PKN2: variants seen among roughly 807,000 people sequenced by gnomAD.
The protein encoded by PKN2 is protein kinase N2, also known as serine/threonine-protein kinase N2.
Under a neutral mutation model 119.1 loss-of-function variants are expected in PKN2, and 38 were observed. The observed-to-expected ratio is 0.32, with a 90% CI of 0.25 to 0.42. PKN2 has a LOEUF of 0.42. Ranked by LOEUF, PKN2 falls within the 10% of genes least tolerant of loss-of-function variation. The pLI is 1.00. For synonymous variants in PKN2, 390 were observed against 384.9 expected, an observed-to-expected ratio of 1.01 and a Z score of -0.15; for missense variants, 850 against 1,165.1, an observed-to-expected ratio of 0.73 and a Z score of 3.94.
chr1:88,832,662 G>C, intron 19 of PKN2, 82 bp from the exon 20 acceptor site: 1 of 699,376 alleles, frequency 1.4e-6, no homozygotes, highest in Non-Finnish European at 2.5e-6. Context: ...TCACTGCCTG[G>C]ATCTTGGTTG....
At chr1:88,784,288 T>C (rs1207508429) in intron 6 of PKN2, among the ~76,000 whole-genome samples, 1 of 152,028 alleles carries the variant, frequency 6.6e-6, no homozygotes, top group African/African-American at 2.4e-5. Flanking sequence ...CTCGCCCAGC[T>C]AATTTTTTGT....
At chr1:88,699,574 G>A (rs1570492390) in intron 1 of PKN2, among the ~76,000 whole-genome samples, 3 of 152,070 alleles carry the variant, frequency 2.0e-5, no homozygotes. Context: ...TCTCCCTGCT[G>A]TCATCCCCCA....
chr1:88,756,983 C>G (rs554557000), intron 2 of PKN2, among the ~76,000 whole-genome samples: 1 of 152,176 alleles, frequency 6.6e-6, no homozygotes, highest in South Asian at 2.1e-4. Context: ...TACTGAATCT[C>G]AGTACCAAAA....
intron 6 of PKN2, among the ~76,000 whole-genome samples, chr1:88,780,263 G>T (rs533916296): frequency 6.6e-6 from 1 of 151,796 alleles, no homozygotes; most frequent in Non-Finnish European, 1.5e-5. Context: ...CTATTAATTT[G>T]TTAGGAAAGC....
At chr1:88,733,451 T>C (rs1313038702) in intron 1 of PKN2, among the ~76,000 whole-genome samples, 1 of 152,256 alleles carries the variant, frequency 6.6e-6, no homozygotes, top group Non-Finnish European at 1.5e-5. Flanking sequence ...TTGAACATTT[T>C]TTCATACACC....
intron 9 of PKN2, 96 bp from the exon 10 acceptor site, chr1:88,804,750 G>T: frequency 1.3e-6 from 1 of 779,802 alleles, no homozygotes; most frequent in Non-Finnish European, 2.1e-6. Flanking sequence ...GGACTAAACT[G>T]TAACTAAGAT....
At chr1:88,784,940 T>TA (rs545564069) in intron 7 of PKN2, 116 bp downstream of exon 7, 3 of 498,608 alleles carry the variant, frequency 6.0e-6, no homozygotes, top group Non-Finnish European at 9.9e-6. Context: ...ATAATTTAAT[T>TA]AAAAAATATT....
chr1:88,772,238 A>G (rs1291758954), intron 6 of PKN2, among the ~76,000 whole-genome samples: 1 of 152,208 alleles, frequency 6.6e-6, no homozygotes, highest in Non-Finnish European at 1.5e-5. Flanking sequence ...TAGAAATTAT[A>G]TAATTTGTGA....
At chr1:88,760,618 G>A (rs1027968183) in intron 3 of PKN2, among the ~76,000 whole-genome samples, 12 of 152,044 alleles carry the variant, frequency 7.9e-5, no homozygotes, top group African/African-American at 2.4e-4. Context: ...ACACTAAAAA[G>A]TATCCTTTTT....
At chr1:88,810,197 T>G (rs1671725785) in intron 15 of PKN2, among the ~76,000 whole-genome samples, 1 of 152,076 alleles carries the variant, frequency 6.6e-6, no homozygotes, top group South Asian at 2.1e-4. Flanking sequence ...TTTGGCTCAC[T>G]GCAACCTCTC....
rs1672796203 is a variant in PKN2 at position 88,833,090 on chromosome 1, A to G, written c.2684A>G (p.Asn895Ser). The change falls in exon 21 of 22, where the codon AAT (asparagine) becomes AGT (serine). Residue 895 changes from asparagine to serine, a missense_variant. Physicochemically the swap from Asn to Ser is conservative, Grantham distance 46 (BLOSUM62 1). Coordinates refer to ENST00000370521, the MANE Select transcript of PKN2 (RefSeq NM_006256.4). ...ACATTATGCTAGCTGTTAAGAAGAA[A>G]TCCTGAACGGCGCCTTGGGGCTAGC... ...ISIMRRLLRR[N>S]PERRLGASEK... 4 of 1,612,086 alleles carry G rather than the reference A, an allele frequency of 2.5e-6. No homozygotes were observed. In the South Asian group the frequency reaches 4.4e-5, roughly 18 times the overall value.
rs1329069702 is a variant in PKN2 at position 88,684,494 on chromosome 1, C to T, written c.-87C>T. On this transcript the variant is annotated 5_prime_UTR_variant, in exon 1 of 22. Transcript: ENST00000370521. ...TTTTTTTTTTTTCTTTCTCTCCCCT[C>T]TCCTCACCCCCACCCCGAGCCCCGT... 1.5e-5 allele frequency: 15 copies of T among 1,012,028 alleles called. No individual in the cohort carries two copies. Among genetic ancestry groups the T allele is most frequent in the Non-Finnish European group, 2.1e-5 (15 of 699,668 alleles). The allele number at this position is 1,012,028 out of a possible 1,614,324, so 62.7% of individuals were successfully genotyped here.
chr1:88,736,563 C>T (rs139788563), intron 1 of PKN2, among the ~76,000 whole-genome samples: 90 of 152,230 alleles, frequency 5.9e-4, no homozygotes, highest in African/African-American at 2.0e-3. Context: ...CAGGGTTTTA[C>T]CATGTTAGAC....
At chr1:88,801,165 AC>A (rs1671292725) in intron 8 of PKN2, among the ~76,000 whole-genome samples, 1 of 152,160 alleles carries the variant, frequency 6.6e-6, no homozygotes, top group Non-Finnish European at 1.5e-5. Flanking sequence ...CGGGTGGATC[AC>A]CTGAGGTCAG....
intron 7 of PKN2, among the ~76,000 whole-genome samples, chr1:88,785,866 A>T (rs1014501600): frequency 6.6e-6 from 1 of 152,226 alleles, no homozygotes; most frequent in East Asian, 1.9e-4. Flanking sequence ...TCACATGCCA[A>T]TGTAAACAAA....
At chr1:88,828,752 T>C in intron 19 of PKN2, 129 bp downstream of exon 19, 1 of 713,246 alleles carries the variant, frequency 1.4e-6, no homozygotes, top group Non-Finnish European at 2.3e-6. Flanking sequence ...ATTTATAGTA[T>C]ACTAGTAGTC....
intron 1 of PKN2, among the ~76,000 whole-genome samples, chr1:88,707,683 G>A (rs1003058508): frequency 3.3e-5 from 5 of 151,854 alleles, no homozygotes; most frequent in Non-Finnish European, 2.9e-5. Flanking sequence ...AGTCATTTTG[G>A]TAAGAAAAGA....
rs184829728 is a variant in PKN2 at position 88,722,748 on chromosome 1, G to A, written c.49-18240G>A. ...CAGTGAGACATGATTGTGCCACTGC[G>A]CTCTAGCTTGGGTGACAGTGCAAGA... On this transcript the variant is annotated intron_variant, in intron 1 of 21. Transcript: ENST00000370521. Among the ~76,000 whole-genome samples the A allele has an allele frequency of 4.0e-5, 6 of 151,188 alleles. No homozygotes were observed. In the East Asian group the frequency reaches 5.8e-4, roughly 15 times the overall value.
intron 8 of PKN2, among the ~76,000 whole-genome samples, chr1:88,797,917 C>T (rs1037190447): frequency 6.6e-6 from 1 of 151,998 alleles, no homozygotes; most frequent in East Asian, 1.9e-4. Context: ...TGGTTTGAGA[C>T]TAGCCTGGGC....
Sources: gnomAD v4.1 joint callset for allele counts (sites outside exome capture counted in the v4.1 genomes callset) on GRCh38, gnomAD v4.1.1 for gene constraint, MANE v1.5 for transcripts, NCBI Gene and HGNC (gene_info 2026-07-23, HGNC 2026-07-21) for gene names.